Variants in GFOD2 observed in about 807,000 individuals in gnomAD.
The protein encoded by GFOD2 is Gfo/Idh/MocA-like oxidoreductase domain containing 2.
In GFOD2, 9 loss-of-function variants were observed where a neutral mutation model predicts 24.6. That is an observed-to-expected ratio of 0.37 (90% confidence interval 0.22 to 0.64). The LOEUF (loss-of-function observed/expected upper bound fraction) is 0.64, where lower values mean the gene tolerates loss of function less well. Among genes scored for constraint, GFOD2 ranks in the 30% least tolerant of loss-of-function variants. The pLI, the probability that GFOD2 is intolerant of heterozygous loss-of-function variation, is 0.65. For synonymous variants in GFOD2, 211 were observed against 224.8 expected (o/e 0.94, Z 0.55); for missense variants, 476 against 532.5 (o/e 0.89, Z 1.04).
At chr16:67,681,245 G>A in intron 2 of GFOD2, 2 of 985,464 alleles carry the variant, frequency 2.0e-6, no homozygotes, top group South Asian at 9.4e-5. Context: ...ATGCCTCGCT[G>A]CTGGCGACAG....
chr16:67,703,566 T>C (rs1387909514), intron 1 of GFOD2, among the ~76,000 whole-genome samples: 2 of 152,202 alleles, frequency 1.3e-5, no homozygotes, highest in African/African-American at 2.4e-5. Context: ...GCAGGAACTG[T>C]CACCCCTGCC....
rs565339097 is a variant in GFOD2, at chr16:67,681,155, G to C, written c.259+4302C>G. The C allele has an allele frequency of 5.8e-4, 565 of 975,814 alleles. 3 individuals are homozygous for C. In the African/African-American group the frequency reaches 9.0e-3, roughly 16 times the overall value. 60.4% of individuals were successfully genotyped at this position (975,814 alleles called of 1,614,324 possible). On this transcript the variant is annotated intron_variant, in intron 2 of 2. Coordinates refer to ENST00000268797, the MANE Select transcript of GFOD2 (RefSeq NM_030819.4). The stretch of plus-strand genomic sequence containing the variant: ...TGAACACATATGGCTGACCAGGGAG[G>C]GATGTAATGAGGAAATGAGGTTCTC...
chr16:67,698,185 A>G (rs534080632), intron 1 of GFOD2, among the ~76,000 whole-genome samples: 3 of 152,276 alleles, frequency 2.0e-5, no homozygotes, highest in Admixed American at 6.5e-5. Context: ...GTTCTGGCAG[A>G]GCTGTGTTCC....
intron 1 of GFOD2, among the ~76,000 whole-genome samples, chr16:67,688,542 A>G (rs1049609560): frequency 2.6e-5 from 4 of 152,124 alleles, no homozygotes; most frequent in African/African-American, 9.7e-5. Context: ...TGTGCTCAGA[A>G]TATCAGGGTT....
At chr16:67,707,524 T>C (rs781049428) in intron 1 of GFOD2, among the ~76,000 whole-genome samples, 1 of 151,948 alleles carries the variant, frequency 6.6e-6, no homozygotes, top group Non-Finnish European at 1.5e-5. Flanking sequence ...ACTCCACTTA[T>C]AGATATTTAT....
intron 1 of GFOD2, among the ~76,000 whole-genome samples, chr16:67,717,044 G>A (rs902493719): frequency 1.3e-5 from 2 of 152,086 alleles, no homozygotes; most frequent in African/African-American, 4.8e-5. Context: ...TTACAGGCGT[G>A]CACCACCATG....
rs781541517 is a variant in GFOD2 at position 67,675,688 on chromosome 16, C to T, written c.625G>A (p.Ala209Thr). 1.7e-5 allele frequency: 27 copies of T among 1,613,670 alleles called. No homozygotes were observed. In the South Asian group the frequency reaches 2.4e-4, roughly 14 times the overall value. ...GLLKTFVRQN[A>T]AIRGIRHVTS... ...ACGTGCCGGATGCCACGGATGGCAG[C>T]GTTCTGCCTCACGAATGTCTTGAGC... Residue 209 changes from alanine to threonine, a missense_variant, in exon 3 of 3, where the codon GCT becomes ACT. Physicochemically the swap from Ala to Thr is moderately conservative, Grantham distance 58. Coordinates refer to ENST00000268797, the MANE Select transcript of GFOD2 (RefSeq NM_030819.4).
At chr16:67,708,885 A>G (rs182613412) in intron 1 of GFOD2, among the ~76,000 whole-genome samples, 136 of 152,080 alleles carry the variant, frequency 8.9e-4, no homozygotes, top group Non-Finnish European at 1.7e-3. Flanking sequence ...AATAAGACTC[A>G]TTTGATAATT....
Position 67,704,785 on chromosome 16 carries a change from T to A in GFOD2, c.-88+14378A>T, listed in dbSNP as rs75504212. Among the ~76,000 whole-genome samples, 165 of 152,352 alleles carry A rather than the reference T, an allele frequency of 1.1e-3. 1 individual carries two copies. The highest frequency in any genetic ancestry group is 3.8e-3 in the African/African-American group (158 of 41,578). On this transcript the variant is annotated intron_variant, in intron 1 of 2. Transcript: ENST00000268797. Reference sequence around the variant, plus strand: ...GATGTCCTTTATAAATCCACACACCTTGCAGTGTTCTCCAGTTCTCTTTCT... The same window carrying A: ...GATGTCCTTTATAAATCCACACACCATGCAGTGTTCTCCAGTTCTCTTTCT...
chr16:67,684,864 C>A, intron 2 of GFOD2: 1 of 990,418 alleles, frequency 1.0e-6, no homozygotes, highest in Non-Finnish European at 1.2e-6. Flanking sequence ...CAGTCAGGGG[C>A]AAGAGGTTAC....
At chr16:67,694,652 G>A (rs1254254243) in intron 1 of GFOD2, among the ~76,000 whole-genome samples, 2 of 152,036 alleles carry the variant, frequency 1.3e-5, no homozygotes, top group African/African-American at 4.8e-5. Context: ...TGCTCCTACT[G>A]TAGACACAAG....
intron 1 of GFOD2, among the ~76,000 whole-genome samples, chr16:67,702,922 A>G (rs1022467437): frequency 6.6e-6 from 1 of 152,160 alleles, no homozygotes; most frequent in African/African-American, 2.4e-5. Flanking sequence ...CAGTAAAAAA[A>G]GAATCACCCA....
In GFOD2 at chr16:67,675,344, G is replaced by GTCGCC. The variant is rs774304979; in HGVS notation, c.964_968dup (p.Asp323GlufsTer46). Reference sequence around the variant, plus strand: ...CAGGGGTGCGGTCCCAGGTGCGGCGGTCGCCCTGCCCCTGGAAGGACTGGC... The same window carrying GTCGCC: ...CAGGGGTGCGGTCCCAGGTGCGGCGGTCGCCTCGCCCTGCCCCTGGAAGGACTGGC... On this transcript the variant is annotated frameshift_variant, in exon 3 of 3. Transcript: ENST00000268797. LOFTEE classifies it high-confidence loss of function. 1.2e-6 allele frequency: 2 copies of GTCGCC among 1,613,134 alleles called. No homozygotes were observed. Among genetic ancestry groups the GTCGCC allele is most frequent in the African/African-American group, 2.7e-5 (2 of 74,940 alleles).
At chr16:67,682,277 C>A (rs2053232140) in intron 2 of GFOD2, 1 of 852,210 alleles carries the variant, frequency 1.2e-6, no homozygotes, top group African/African-American at 1.8e-5. Context: ...ACCTTGTGAT[C>A]CGCCCGCCTC....
At chr16:67,687,808 T>TAA (rs11302700) in intron 1 of GFOD2, among the ~76,000 whole-genome samples, 1 of 121,480 alleles carries the variant, frequency 8.2e-6, no homozygotes, top group Admixed American at 8.5e-5. Flanking sequence ...CCATCTTTAC[T>TAA]AAAAAAAAAA....
intron 1 of GFOD2, among the ~76,000 whole-genome samples, chr16:67,702,369 G>A (rs778453536): frequency 2.6e-5 from 4 of 151,824 alleles, no homozygotes; most frequent in African/African-American, 9.7e-5. Context: ...AGCTACTCAG[G>A]AGGCAGAGGC....
Position 67,681,365 on chromosome 16 carries a change from C to T in GFOD2, c.259+4092G>A, listed in dbSNP as rs1036243335. ...AAACTAGGATAAGGAATTCCTGTTT[C>T]ATGCCTCAAGAGGTGAGGAAAGAGG... On this transcript the variant is annotated intron_variant, in intron 2 of 2. Coordinates refer to ENST00000268797, the MANE Select transcript of GFOD2 (RefSeq NM_030819.4). 1.7e-5 allele frequency: 17 copies of T among 985,248 alleles called. No homozygotes were observed. The African/African-American group carries it at 3.0e-4, about 17-fold the overall frequency. The allele number at this position is 985,248 out of a possible 1,614,324, so 61.0% of individuals were successfully genotyped here. A position where few individuals can be genotyped will look rare whatever the true frequency, so the allele number is the denominator to read the frequency against.
intron 1 of GFOD2, among the ~76,000 whole-genome samples, chr16:67,687,961 G>C (rs1414734735): frequency 2.6e-5 from 4 of 152,198 alleles, no homozygotes; most frequent in Admixed American, 2.6e-4. Context: ...CTGGGCAATA[G>C]AGTGAGACTG....
intron 1 of GFOD2, among the ~76,000 whole-genome samples, chr16:67,705,218 T>TC (rs2053430682): frequency 6.6e-6 from 1 of 152,226 alleles, no homozygotes; most frequent in Non-Finnish European, 1.5e-5. Flanking sequence ...TTTTTTCTTT[T>TC]CTTTTTTTAG....
Sources: allele counts gnomAD v4.1 joint callset (sites outside exome capture counted in the v4.1 genomes callset), GRCh38; gene constraint gnomAD v4.1.1; transcripts MANE v1.5; gene names NCBI Gene and HGNC (gene_info 2026-07-23, HGNC 2026-07-21).